The following CHRM2 variants were observed in gnomAD, a reference collection of about 807,000 sequenced individuals.
The protein encoded by CHRM2 is muscarinic acetylcholine receptor M2.
A neutral mutation model predicts 25.0 loss-of-function variants in CHRM2; 8 were observed. That is an observed-to-expected ratio of 0.32 (90% CI 0.19 to 0.58). CHRM2 has a LOEUF of 0.58. Among genes scored for constraint, CHRM2 ranks in the 20% least tolerant of loss-of-function variants. The pLI is 0.88. For synonymous variants in CHRM2, 202 were observed against 205.7 expected (o/e 0.98, Z 0.15); for missense variants, 440 against 567.1 (o/e 0.78, Z 2.28).
At chr7:136,885,846 AG>A (rs780450085) in intron 2 of CHRM2, among the ~76,000 whole-genome samples, 1 of 152,244 alleles carries the variant, frequency 6.6e-6, no homozygotes, top group South Asian at 2.1e-4. Flanking sequence ...TACTGGATTG[AG>A]GGGGGAAGAG....
intron 2 of CHRM2, among the ~76,000 whole-genome samples, chr7:136,989,691 G>A (rs1380866907): frequency 6.6e-6 from 1 of 151,922 alleles, no homozygotes; most frequent in African/African-American, 2.4e-5. Context: ...TTCTGCCCTA[G>A]GTCCTTTGTT....
chr7:136,942,285 T>C (rs1799818556), intron 2 of CHRM2, among the ~76,000 whole-genome samples: 1 of 152,114 alleles, frequency 6.6e-6, no homozygotes, highest in South Asian at 2.1e-4. Context: ...ACGCCCCCAG[T>C]CAAGCAAACC....
intron 3 of CHRM2, among the ~76,000 whole-genome samples, chr7:137,005,897 A>G (rs992320748): frequency 6.6e-6 from 1 of 152,112 alleles, no homozygotes; most frequent in East Asian, 1.9e-4. Context: ...GACTATACAA[A>G]TTTCCAGTTT....
chr7:136,923,371 C>CA (rs983710872), intron 2 of CHRM2, among the ~76,000 whole-genome samples: 46 of 151,832 alleles, frequency 3.0e-4, no homozygotes, highest in African/African-American at 1.1e-3. Flanking sequence ...ACATTCCTCA[C>CA]ACCCTCCCTG....
chr7:136,957,272 T>TGC (rs1800783018), intron 2 of CHRM2, among the ~76,000 whole-genome samples: 1 of 152,174 alleles, frequency 6.6e-6, no homozygotes, highest in Admixed American at 6.6e-5. Context: ...TGTGTGTGTG[T>TGC]GTGTGTGCAC....
intron 2 of CHRM2, among the ~76,000 whole-genome samples, chr7:136,984,459 C>T (rs1164357956): frequency 1.3e-5 from 2 of 151,812 alleles, no homozygotes; most frequent in Non-Finnish European, 2.9e-5. Flanking sequence ...AGTTCTGTCT[C>T]GCTGGCGTTC....
chr7:136,971,361 A>C (rs1013002014), intron 2 of CHRM2, among the ~76,000 whole-genome samples: 1 of 152,198 alleles, frequency 6.6e-6, no homozygotes. Flanking sequence ...CTGGCCTGCA[A>C]TCCCAGCACT....
At chr7:136,959,678 C>T (rs1212036330) in intron 2 of CHRM2, among the ~76,000 whole-genome samples, 10 of 151,982 alleles carry the variant, frequency 6.6e-5, no homozygotes, top group African/African-American at 1.7e-4. Context: ...TTTGGGAGGC[C>T]GAGGCAGCAG....
chr7:136,967,476 T>G (rs569775865), intron 2 of CHRM2, among the ~76,000 whole-genome samples: 16 of 152,084 alleles, frequency 1.1e-4, no homozygotes, highest in African/African-American at 3.4e-4. Context: ...AAATTTAACC[T>G]TAAAGAAGTC....
Position 137,016,298 on chromosome 7 carries a change from G to T in CHRM2, c.*32G>T. 6.2e-7 allele frequency: 1 copy of T among 1,600,570 alleles called. No homozygotes were observed. The highest frequency in any genetic ancestry group is 1.1e-5 in the South Asian group (1 of 90,648). On this transcript the variant is annotated 3_prime_UTR_variant, in exon 4 of 4. Transcript: ENST00000680005. ...TTTGAAAAAGATAGAAGGTGGGCAA[G>T]GGGAGCTTGAGAAGAATAAAAGGGA...
At chr7:136,958,448 C>CTT (rs56127104) in intron 2 of CHRM2, among the ~76,000 whole-genome samples, 129 of 91,120 alleles carry the variant, frequency 1.4e-3, no homozygotes, top group East Asian at 3.1e-3. Context: ...GCAGTGTCAT[C>CTT]TTTTTTTTTT....
At chr7:136,929,270 T>C (rs2130770826) in intron 2 of CHRM2, among the ~76,000 whole-genome samples, 1 of 142,648 alleles carries the variant, frequency 7.0e-6, no homozygotes, top group African/African-American at 2.9e-5. Context: ...TTTCTTTTCT[T>C]TCTTTTTTTT....
chr7:136,930,779 C>T (rs1375985654), intron 2 of CHRM2, among the ~76,000 whole-genome samples: 2 of 151,702 alleles, frequency 1.3e-5, no homozygotes, highest in Non-Finnish European at 2.9e-5. Context: ...CACCTGTAGT[C>T]CCAGCTACTC....
intron 2 of CHRM2, among the ~76,000 whole-genome samples, chr7:136,882,780 T>C (rs1302021193): frequency 6.6e-6 from 1 of 152,140 alleles, no homozygotes; most frequent in Non-Finnish European, 1.5e-5. Flanking sequence ...ATTATTTTGT[T>C]TAAGCTGAAT....
At chr7:136,944,904 C>T (rs1039533756) in intron 2 of CHRM2, among the ~76,000 whole-genome samples, 2 of 152,030 alleles carry the variant, frequency 1.3e-5, no homozygotes, top group Admixed American at 6.6e-5. Flanking sequence ...CACATCCATA[C>T]CAACATCTTT....
rs1795989969 is a variant in CHRM2, at chr7:136,874,937, T to C, written c.-125+5519T>C. Among the ~76,000 whole-genome samples the C allele has an allele frequency of 2.6e-5, 4 of 151,568 alleles. No homozygotes were observed. The South Asian group carries it at 8.4e-4, about 32-fold the overall frequency. The stretch of plus-strand genomic sequence containing the variant: ...CACCGAGATATCCCTGGGAGGATAG[T>C]CTGATAGAATATTCTGCACATTTAA... On this transcript the variant is annotated intron_variant, in intron 2 of 3. Coordinates refer to ENST00000680005, the MANE Select transcript of CHRM2 (RefSeq NM_001006630.2).
chr7:136,885,845 G>A (rs1364875999), intron 2 of CHRM2, among the ~76,000 whole-genome samples: 1 of 152,166 alleles, frequency 6.6e-6, no homozygotes, highest in Non-Finnish European at 1.5e-5. Flanking sequence ...TTACTGGATT[G>A]AGGGGGGAAG....
intron 3 of CHRM2, among the ~76,000 whole-genome samples, chr7:137,003,483 C>T (rs1320051477): frequency 0.019 from 4 of 210 alleles, no homozygotes; most frequent in African/African-American, 0.061. Flanking sequence ...TACACACACA[C>T]ACACACACAC....
intron 2 of CHRM2, among the ~76,000 whole-genome samples, chr7:136,930,935 A>C (rs1799064719): frequency 6.6e-6 from 1 of 150,664 alleles, no homozygotes; most frequent in African/African-American, 2.5e-5. Context: ...AAAGGATAGA[A>C]AGATCCTTAC....
Sources: allele counts gnomAD v4.1 joint callset (sites outside exome capture counted in the v4.1 genomes callset), GRCh38; gene constraint gnomAD v4.1.1; transcripts MANE v1.5; gene names NCBI Gene and HGNC (gene_info 2026-07-23, HGNC 2026-07-21).